Variants in DIDO1 observed in about 807,000 individuals in gnomAD.
DIDO1 encodes the protein death inducer-obliterator 1.
Under a neutral mutation model 99.4 loss-of-function variants are expected in DIDO1, and 16 were observed. That is an observed-to-expected ratio of 0.16 (90% CI 0.11 to 0.24). The LOEUF is 0.24. DIDO1 is among the 10% of genes least tolerant of loss of function. The probability of loss-of-function intolerance (pLI) is 1.00; values close to 1 mark genes in which losing one functional copy is unlikely to be tolerated. For synonymous variants in DIDO1, 1,366 were observed against 1,239.1 expected (o/e 1.10, Z -2.15); for missense variants, 2,996 against 3,014.0 (o/e 0.99, Z 0.14).
upstream of DIDO1, among the ~76,000 whole-genome samples, chr20:62,929,993 A>G (rs1490585711): frequency 6.6e-6 from 1 of 152,016 alleles, no homozygotes; most frequent in Non-Finnish European, 1.5e-5. Context: ...GCACTTAGGT[A>G]GGCCGAGGTG....
intron 6 of DIDO1, 77 bp downstream of exon 6, chr20:62,905,810 T>C (rs1057345529): frequency 6.2e-6 from 10 of 1,613,800 alleles, no homozygotes; most frequent in Non-Finnish European, 7.6e-6. Context: ...CAACTCCCAG[T>C]CCTGGACAGG....
At chr20:62,934,920 G>T (rs1003208179) in intron 1 of DIDO1, among the ~76,000 whole-genome samples, 1 of 152,186 alleles carries the variant, frequency 6.6e-6, no homozygotes, top group Admixed American at 6.5e-5. Flanking sequence ...CTTCCTTAGT[G>T]AATACAGCTT....
chr20:62,921,725 C>T (rs933763306), intron 1 of DIDO1, among the ~76,000 whole-genome samples: 1 of 151,262 alleles, frequency 6.6e-6, no homozygotes, highest in Non-Finnish European at 1.5e-5. Flanking sequence ...CCTCAATCTC[C>T]CTGGGCTCAG....
chr20:62,926,430 A>ACCGCAGG lies in DIDO1; in HGVS notation c.-200+2_-200+8dup. 2.0e-5 allele frequency: 3 copies of ACCGCAGG among 151,224 alleles called. No homozygotes were observed. The highest frequency in any genetic ancestry group is 4.4e-5 in the Non-Finnish European group (3 of 67,704). 9.4% of individuals were successfully genotyped at this position (151,224 alleles called of 1,614,324 possible). A position where few individuals can be genotyped will look rare whatever the true frequency, so the allele number is the denominator to read the frequency against. ...CTACCCGGCGCCCGGGACGCCACTT[A>ACCGCAGG]CCGCAGGCCGCAGGCCTCTAGGGTC... is the stretch of plus-strand genomic sequence containing the variant. On this transcript the variant is annotated intron_variant, in intron 1 of 15. Transcript: ENST00000395343.
chr20:62,892,719 T>C, intron 13 of DIDO1, 90 bp downstream of exon 13: 1 of 1,467,350 alleles, frequency 6.8e-7, no homozygotes, highest in Middle Eastern at 1.8e-4. Context: ...TCCTACCTCA[T>C]GAATTAAGGG....
Position 62,893,937 on chromosome 20 carries a change from C to T in DIDO1, c.2830G>A (p.Glu944Lys). ...GDGHPEPSPL[E>K]DLSPCPASCG... is the part of the protein sequence containing the mutation. ...GAGGCTGGGCAGGGGGACAGGTCTT[C>T]CAGCGGGGAGGGCTCGGGATGGCCA... Residue 944 changes from glutamate (E) to lysine (K), a missense_variant, in exon 12 of 16, where the codon GAA becomes AAA. By Grantham distance (56) the Glu-to-Lys change is moderately conservative. Coordinates refer to ENST00000395343, the MANE Select transcript of DIDO1 (RefSeq NM_001193369.2). 1 of 1,612,208 alleles carries T rather than the reference C, an allele frequency of 6.2e-7. No individual in the cohort carries two copies.
chr20:62,908,973 C>T (rs1435747429), intron 4 of DIDO1, among the ~76,000 whole-genome samples: 1 of 152,260 alleles, frequency 6.6e-6, no homozygotes, highest in African/African-American at 2.4e-5. Context: ...CTGATAGCAG[C>T]GCAGCATGAG....
chr20:62,929,692 A>AAAAAAAAATATATATATATATATATATAT, upstream of DIDO1, among the ~76,000 whole-genome samples: 1 of 63,708 alleles, frequency 1.6e-5, no homozygotes, highest in African/African-American at 7.6e-5. Flanking sequence ...AAAAAGAAAA[A>AAAAAAAAATATATATATATATATATATAT]GTGTATATAT....
intron 1 of DIDO1, among the ~76,000 whole-genome samples, chr20:62,919,077 ACT>A (rs1261338750): frequency 3.3e-5 from 5 of 152,322 alleles, no homozygotes; most frequent in African/African-American, 7.2e-5. Flanking sequence ...GGCAGGAAAC[ACT>A]GTGCTGCACT....
chr20:62,904,271 C>T lies in DIDO1; in HGVS notation c.1588+1616G>A, dbSNP rs564736160. Among the ~76,000 whole-genome samples, 325 of 152,268 alleles carry T rather than the reference C, an allele frequency of 2.1e-3. 1 individual carries two copies. The highest frequency in any genetic ancestry group is 7.5e-3 in the African/African-American group (313 of 41,544). ...TAAGCCCATTAGCTCTGTAGAACTG[C>T]TCTATCGTAGAGGTGCTAGAATCTG... On this transcript the variant is annotated intron_variant, in intron 6 of 15. Coordinates refer to ENST00000395343, the MANE Select transcript of DIDO1 (RefSeq NM_001193369.2).
At position 62,893,826 on chromosome 20, in the gene DIDO1, A is replaced by C; in HGVS notation, c.2941T>G (p.Ser981Ala). 6.2e-7 allele frequency: 1 copy of C among 1,614,072 alleles called. No homozygotes were observed. Among genetic ancestry groups the C allele is most frequent in the Non-Finnish European group, 8.5e-7 (1 of 1,180,036 alleles). The change falls in exon 12 of 16, where the codon TCC becomes GCC. Residue 981 changes from serine (S) to alanine (A), a missense_variant. This residue lies in a region of DIDO1 where 898 missense variants were observed against 972.7 expected (regional missense o/e 0.92). Transcript: ENST00000395343. The part of the protein sequence containing the change: ...APSSSCTAVA[S>A]AASRPDSTHM... ...GTGCTGTCTGGGCGGGATGCTGCGG[A>C]GGCCACGGCTGTGCATGAACTGCTT...
intron 3 of DIDO1, among the ~76,000 whole-genome samples, chr20:62,910,562 G>T (rs2064908758): frequency 6.6e-6 from 1 of 152,190 alleles, no homozygotes; most frequent in Non-Finnish European, 1.5e-5. Context: ...TCACTTGACT[G>T]GAAACAGCCA....
At chr20:62,888,813 G>C (rs2064343269) in intron 15 of DIDO1, 1 of 985,374 alleles carries the variant, frequency 1.0e-6, no homozygotes, top group Admixed American at 6.1e-5. Flanking sequence ...AGGCTGTTTA[G>C]TGACCATGGA....
intron 5 of DIDO1, among the ~76,000 whole-genome samples, chr20:62,906,349 CAG>C (rs1055711857): frequency 1.8e-4 from 27 of 152,294 alleles, no homozygotes; most frequent in African/African-American, 6.5e-4. Context: ...GCGGCTGGCA[CAG>C]AGTCACCTGC....
chr20:62,932,545 T>C (rs1359785464), intron 1 of DIDO1, among the ~76,000 whole-genome samples: 2 of 152,178 alleles, frequency 1.3e-5, no homozygotes, highest in African/African-American at 4.8e-5. Context: ...AAATAGTACA[T>C]AAACAATGCT....
Position 62,881,142 on chromosome 20 carries a change from G to T in DIDO1, c.4814C>A (p.Pro1605His). 6.2e-7 allele frequency: 1 copy of T among 1,608,678 alleles called. No homozygotes were observed. The highest frequency in any genetic ancestry group is 8.5e-7 in the Non-Finnish European group (1 of 1,179,498). Residue 1605 changes from proline to histidine, a missense_variant, in exon 16 of 16, where the codon CCC becomes CAC. Physicochemically the swap from Pro to His is moderately conservative, Grantham distance 77. Coordinates refer to ENST00000395343, the MANE Select transcript of DIDO1 (RefSeq NM_001193369.2). The surrounding 1 kb of genome is among the most constrained non-coding windows in gnomAD (Gnocchi z 8.3). Reference sequence around the variant, plus strand: ...CTCTTTTTCCTCCGGGACTGGCATGGGCGCCTGGCCCACGAGGCCACCCCT... The same window carrying T: ...CTCTTTTTCCTCCGGGACTGGCATGTGCGCCTGGCCCACGAGGCCACCCCT... ...ASRGGLVGQA[P>H]MPVPEEKEPA... is the part of the protein sequence containing the mutation.
At chr20:62,893,037 T>C (rs1171311387) in intron 12 of DIDO1, 75 bp from the exon 13 acceptor site, 1 of 1,494,376 alleles carries the variant, frequency 6.7e-7, no homozygotes. Context: ...AAAGCCTTTT[T>C]TTTTTTTGAG....
chr20:62,927,951 G>C (rs2065281989), upstream of DIDO1, among the ~76,000 whole-genome samples: 1 of 152,314 alleles, frequency 6.6e-6, no homozygotes, highest in East Asian at 1.9e-4. Flanking sequence ...TTAGAAGACA[G>C]ACGGGGTTGA....
In DIDO1 at chr20:62,896,248, C is replaced by T; in HGVS notation, c.2199G>A (p.Lys733=). The change falls in exon 8 of 16, where the codon AAG becomes AAA. Residue 733 remains lysine, a synonymous_variant. Transcript: ENST00000395343. The surrounding 1 kb of genome is among the most constrained non-coding windows in gnomAD (Gnocchi z 4.4). ...AGGCACACACCTGATTTTTAGGGTCCTTCAGGTTGAACATGATGCTGCGAT... is the reference window on the plus strand; with the variant it reads ...AGGCACACACCTGATTTTTAGGGTCTTTCAGGTTGAACATGATGCTGCGAT... The part of the protein sequence containing the change: ...SKYRSIMFNL[K]DPKNQGLFHR... 1 of 1,613,452 alleles carries T rather than the reference C, an allele frequency of 6.2e-7. No homozygotes were observed.
Sources: allele counts gnomAD v4.1 joint callset (sites outside exome capture counted in the v4.1 genomes callset), GRCh38; gene constraint gnomAD v4.1.1; regional missense constraint gnomAD v4.1.1; non-coding constraint Gnocchi (gnomAD v3.1); transcripts MANE v1.5; gene names NCBI Gene and HGNC (gene_info 2026-07-23, HGNC 2026-07-21).